The following XRCC4 variants were observed in gnomAD, a reference collection of about 807,000 sequenced individuals.
XRCC4 encodes the protein X-ray repair cross complementing 4.
Under a neutral mutation model 39.1 loss-of-function variants are expected in XRCC4, and 28 were observed. The observed-to-expected ratio is 0.72, with a 90% CI of 0.53 to 0.98. XRCC4 has a LOEUF of 0.98. Among genes scored for constraint, XRCC4 ranks in the 50% least tolerant of loss-of-function variants. The pLI is 0.00. For synonymous variants in XRCC4, 123 were observed against 126.4 expected, an observed-to-expected ratio of 0.97 and a Z score of 0.18; for missense variants, 350 against 376.4, an observed-to-expected ratio of 0.93 and a Z score of 0.58.
Position 83,143,210 on chromosome 5 carries a change from T to C in XRCC4, c.315+32007T>C, listed in dbSNP as rs182971990. 5.3e-5 allele frequency among the ~76,000 whole-genome samples: 8 copies of C among 152,280 alleles called. No individual in the cohort carries two copies. In the East Asian group the frequency reaches 1.5e-3, roughly 29 times the overall value. ...AGTGCTGTTTTGATATTTTGAGAAT[T>C]AGTTTTGTTATTATTGTATTTTAAT... On this transcript the variant is annotated intron_variant, in intron 3 of 7. Coordinates refer to ENST00000396027, the MANE Select transcript of XRCC4 (RefSeq NM_003401.5).
At chr5:83,230,791 T>C (rs1349101922) in intron 6 of XRCC4, among the ~76,000 whole-genome samples, 2 of 152,060 alleles carry the variant, frequency 1.3e-5, no homozygotes, top group Non-Finnish European at 2.9e-5. Context: ...TTCATGTTTA[T>C]GTAGGGGCCA....
intron 3 of XRCC4, among the ~76,000 whole-genome samples, chr5:83,128,979 A>G (rs1747417038): frequency 1.3e-5 from 2 of 152,202 alleles, no homozygotes; most frequent in South Asian, 2.1e-4. Context: ...CCTTAGTTTA[A>G]TTAGATCCCA....
intron 7 of XRCC4, among the ~76,000 whole-genome samples, chr5:83,266,117 T>C (rs1433436272): frequency 1.3e-5 from 2 of 151,940 alleles, no homozygotes; most frequent in Non-Finnish European, 1.5e-5. Context: ...GTTTCAGGCA[T>C]TTTAAGCACT....
intron 7 of XRCC4, among the ~76,000 whole-genome samples, chr5:83,274,987 G>C (rs1162861077): frequency 1.3e-5 from 2 of 152,174 alleles, no homozygotes; most frequent in African/African-American, 4.8e-5. Context: ...TTTGGAAGTA[G>C]GGAGCTTGTG....
intron 7 of XRCC4, among the ~76,000 whole-genome samples, chr5:83,278,912 G>A (rs1310117767): frequency 2.0e-5 from 3 of 148,652 alleles, no homozygotes; most frequent in African/African-American, 5.0e-5. Flanking sequence ...TGCTTGAACC[G>A]AGGAGGCGGA....
At chr5:83,272,218 T>C (rs1021301713) in intron 7 of XRCC4, among the ~76,000 whole-genome samples, 3 of 152,212 alleles carry the variant, frequency 2.0e-5, no homozygotes, top group Non-Finnish European at 4.4e-5. Context: ...GTGTATAATA[T>C]TGTTGTCACA....
At chr5:83,267,671 G>A (rs976517190) in intron 7 of XRCC4, among the ~76,000 whole-genome samples, 2 of 152,076 alleles carry the variant, frequency 1.3e-5, no homozygotes, top group Admixed American at 6.6e-5. Flanking sequence ...ACCCACAATG[G>A]ACCACCCAGC....
Position 83,203,561 on chromosome 5 carries a change from ATG to A in XRCC4, c.497_498del (p.Val166GlufsTer3), listed in dbSNP as rs1751295109. 6.3e-6 allele frequency: 10 copies of A among 1,582,150 alleles called. No homozygotes were observed. Among genetic ancestry groups the A allele is most frequent in the Non-Finnish European group, 6.8e-6 (8 of 1,170,006 alleles). On this transcript the variant is annotated frameshift_variant, in exon 5 of 8. Coordinates refer to ENST00000396027, the MANE Select transcript of XRCC4 (RefSeq NM_003401.5). LOFTEE classifies it high-confidence loss of function. ...WNDVQGRFEKCVSAKEALETD... is the reference protein window; with the variant it reads ...WNDVQGRFEKXVSAKEALETD... The stretch of plus-strand genomic sequence containing the variant: ...TTATTTACTTTTTTAGATTTGAAAA[ATG>A]TGTGAGTGCTAAGGAAGCTTTGGAG...
At chr5:83,117,547 A>T in intron 3 of XRCC4, among the ~76,000 whole-genome samples, 1 of 151,202 alleles carries the variant, frequency 6.6e-6, no homozygotes, top group Non-Finnish European at 1.5e-5. Context: ...TTTCCTCATG[A>T]TTCTGTTTTT....
intron 7 of XRCC4, among the ~76,000 whole-genome samples, chr5:83,313,286 G>A (rs1171914644): frequency 6.6e-6 from 1 of 151,972 alleles, no homozygotes; most frequent in African/African-American, 2.4e-5. Context: ...ATGTATTAAT[G>A]TACACAGAAG....
intron 7 of XRCC4, among the ~76,000 whole-genome samples, chr5:83,295,959 T>C (rs1462194651): frequency 6.6e-6 from 1 of 152,090 alleles, no homozygotes; most frequent in East Asian, 1.9e-4. Flanking sequence ...AGTAGAACTT[T>C]AGAGGACCAG....
intron 1 of XRCC4, among the ~76,000 whole-genome samples, chr5:83,093,042 C>A (rs930368451): frequency 4.1e-5 from 6 of 147,718 alleles, no homozygotes; most frequent in Admixed American, 3.4e-4. Context: ...CACACACACA[C>A]AAGACCTAAC....
intron 6 of XRCC4, among the ~76,000 whole-genome samples, chr5:83,227,561 C>T (rs547136010): frequency 8.9e-4 from 136 of 152,118 alleles, no homozygotes; most frequent in African/African-American, 3.2e-3. Flanking sequence ...TCATGAAACC[C>T]ATTTTCAAGA....
chr5:83,316,440 G>A (rs1755885994), intron 7 of XRCC4, among the ~76,000 whole-genome samples: 1 of 151,232 alleles, frequency 6.6e-6, no homozygotes, highest in African/African-American at 2.4e-5. Flanking sequence ...CCATCAGTGT[G>A]CTGTATTCAG....
intron 7 of XRCC4, among the ~76,000 whole-genome samples, chr5:83,297,592 G>A (rs746061286): frequency 5.9e-5 from 9 of 151,916 alleles, no homozygotes; most frequent in South Asian, 2.1e-4. Context: ...GAGCTTGGTC[G>A]TGAAGAAGAA....
chr5:83,248,282 G>A (rs532658297), intron 6 of XRCC4, among the ~76,000 whole-genome samples: 54 of 152,240 alleles, frequency 3.5e-4, no homozygotes, highest in African/African-American at 1.2e-3. Context: ...TTTTTGTCTT[G>A]AAGGCAATAG....
At chr5:83,209,657 A>G (rs1751563379) in intron 6 of XRCC4, among the ~76,000 whole-genome samples, 1 of 152,094 alleles carries the variant, frequency 6.6e-6, no homozygotes, top group Non-Finnish European at 1.5e-5. Flanking sequence ...TAGCTATCAT[A>G]AGGCTAATGA....
chr5:83,099,926 G>C (rs1160660932), intron 1 of XRCC4, among the ~76,000 whole-genome samples: 1 of 152,110 alleles, frequency 6.6e-6, no homozygotes, highest in African/African-American at 2.4e-5. Flanking sequence ...TGCTCTTACT[G>C]AATCTTAAAA....
chr5:83,309,806 G>A (rs1353547204), intron 7 of XRCC4, among the ~76,000 whole-genome samples: 1 of 147,016 alleles, frequency 6.8e-6, no homozygotes, highest in African/African-American at 2.5e-5. Flanking sequence ...AGGAACAAAA[G>A]GGATTTTTAA....
Sources: gnomAD v4.1 joint callset for allele counts (sites outside exome capture counted in the v4.1 genomes callset) on GRCh38, gnomAD v4.1.1 for gene constraint, MANE v1.5 for transcripts, NCBI Gene and HGNC (gene_info 2026-07-23, HGNC 2026-07-21) for gene names.